Variants in KIF13A observed in about 807,000 individuals in gnomAD.
The protein encoded by KIF13A is kinesin family member 13A.
A neutral mutation model predicts 212.2 loss-of-function variants in KIF13A; 79 were observed. That is an observed-to-expected ratio of 0.37 (90% CI 0.31 to 0.45). KIF13A has a LOEUF of 0.45. KIF13A is among the 20% of genes least tolerant of loss of function. The pLI is 1.00. For missense variants in KIF13A, 1,901 were observed against 2,209.0 expected (o/e 0.86, Z 2.79); for synonymous variants, 789 against 808.6 (o/e 0.98, Z 0.41).
Position 17,849,798 on chromosome 6 carries a change from C to A in KIF13A, c.718-309G>T, listed in dbSNP as rs16879993. On this transcript the variant is annotated intron_variant, in intron 8 of 38. Coordinates refer to ENST00000259711, the MANE Select transcript of KIF13A (RefSeq NM_022113.6). This position sits in a 1 kb window ranked among gnomAD's most constrained non-coding sequence, Gnocchi z 5.7. ...AGATATGAGGACATGAGGATTTCTG[C>A]ACATTCAAGTCAAATCCTTCTTCCT... Among the ~76,000 whole-genome samples the A allele has an allele frequency of 6.6e-6, 1 of 152,178 alleles. No homozygotes were observed. Among genetic ancestry groups the A allele is most frequent in the Non-Finnish European group, 1.5e-5 (1 of 68,040 alleles).
At position 17,772,648 on chromosome 6, in the gene KIF13A, G is replaced by C. The variant is rs530932606; in HGVS notation, c.4325-589C>G. Reference sequence around the variant, plus strand: ...GCTCACGCTGATTTTCCATTCCTCTGAATTCTCACAGCCCTTATTATCTGC... The same window carrying C: ...GCTCACGCTGATTTTCCATTCCTCTCAATTCTCACAGCCCTTATTATCTGC... On this transcript the variant is annotated intron_variant, in intron 36 of 38. Coordinates refer to ENST00000259711, the MANE Select transcript of KIF13A (RefSeq NM_022113.6). The surrounding 1 kb of genome is among the most constrained non-coding windows in gnomAD (Gnocchi z 4.8). Among the ~76,000 whole-genome samples, 2 of 152,328 alleles carry C rather than the reference G, an allele frequency of 1.3e-5. No homozygotes were observed. Among genetic ancestry groups the C allele is most frequent in the African/African-American group, 4.8e-5 (2 of 41,584 alleles).
chr6:17,923,676 G>C (rs1775269287), intron 2 of KIF13A, among the ~76,000 whole-genome samples: 2 of 152,114 alleles, frequency 1.3e-5, no homozygotes, highest in Admixed American at 1.3e-4. Context: ...AATGAGAAGG[G>C]CCAGTAAAAA....
At chr6:17,901,881 C>T (rs1283972657) in intron 2 of KIF13A, among the ~76,000 whole-genome samples, 1 of 152,180 alleles carries the variant, frequency 6.6e-6, no homozygotes, top group Non-Finnish European at 1.5e-5. Flanking sequence ...CCTATAATCT[C>T]AGCTACTAGG....
chr6:17,922,688 C>T (rs1289995741), intron 2 of KIF13A, among the ~76,000 whole-genome samples: 2 of 151,206 alleles, frequency 1.3e-5, no homozygotes, highest in African/African-American at 4.9e-5. Flanking sequence ...TCCTTTGGGT[C>T]CACTCTTCTA....
Position 17,912,556 on chromosome 6 carries a change from A to G in KIF13A, c.147-14376T>C, listed in dbSNP as rs1441833002. Among the ~76,000 whole-genome samples the G allele has an allele frequency of 1.3e-5, 2 of 152,222 alleles. No homozygotes were observed. Among genetic ancestry groups the G allele is most frequent in the African/African-American group, 4.8e-5 (2 of 41,452 alleles). ...ATATAGACAATGCTTATTAAATTCTACTGAATAAACCAACAGAACCCCCAT... is the reference window on the plus strand; with the variant it reads ...ATATAGACAATGCTTATTAAATTCTGCTGAATAAACCAACAGAACCCCCAT... On this transcript the variant is annotated intron_variant, in intron 2 of 38. Transcript: ENST00000259711. This position sits in a 1 kb window ranked among gnomAD's most constrained non-coding sequence, Gnocchi z 4.2.
rs1438161938 is a variant in KIF13A at position 17,987,254 on chromosome 6, G to A, written c.56-110C>T. ...CCGTCCCTGGAGGCGGCCGAGCCTG[G>A]AGACGGCGCCCCGGGCACCACGGCC... On this transcript the variant is annotated intron_variant, in intron 1 of 38. Coordinates refer to ENST00000259711, the MANE Select transcript of KIF13A (RefSeq NM_022113.6). The surrounding 1 kb of genome is among the most constrained non-coding windows in gnomAD (Gnocchi z 7.7). The A allele has an allele frequency of 6.9e-5, 65 of 937,430 alleles. 1 individual carries two copies. In the South Asian group the frequency reaches 2.0e-3, roughly 29 times the overall value. 58.1% of individuals were successfully genotyped at this position (937,430 alleles called of 1,614,324 possible).
intron 2 of KIF13A, among the ~76,000 whole-genome samples, chr6:17,911,907 G>C (rs1488699019): frequency 6.6e-6 from 1 of 151,966 alleles, no homozygotes; most frequent in Admixed American, 6.6e-5. Context: ...TGGGACTACA[G>C]GAATGCACCA....
rs774586139 is a variant in KIF13A, at chr6:17,817,003, C to G, written c.2000+17G>C. 6 of 1,594,896 alleles carry G rather than the reference C, an allele frequency of 3.8e-6. No individual in the cohort carries two copies. Among genetic ancestry groups the G allele is most frequent in the Admixed American group, 3.5e-5 (2 of 56,768 alleles). ...CTTGGGGCCTTGACTCTGGGCTGCC[C>G]CCGCTGCAGTTCTTACCTCTCTTCT... On this transcript the variant is annotated intron_variant, in intron 17 of 38. Coordinates refer to ENST00000259711, the MANE Select transcript of KIF13A (RefSeq NM_022113.6).
At chr6:17,817,307 T>G in intron 16 of KIF13A, 74 bp from the exon 17 acceptor site, 1 of 1,312,394 alleles carries the variant, frequency 7.6e-7, no homozygotes, top group Non-Finnish European at 1.1e-6. Context: ...CACTGCAGCC[T>G]GTGGGAGGCT....
At position 17,918,112 on chromosome 6, in the gene KIF13A, G is replaced by C. The variant is rs1449028313; in HGVS notation, c.147-19932C>G. ...CAGAGCTGCACCAACAGGATGCCTA[G>C]GTCTGCCCTGCTTGGTGTCATGGAC... On this transcript the variant is annotated intron_variant, in intron 2 of 38. Coordinates refer to ENST00000259711, the MANE Select transcript of KIF13A (RefSeq NM_022113.6). This position sits in a 1 kb window ranked among gnomAD's most constrained non-coding sequence, Gnocchi z 4.8. Among the ~76,000 whole-genome samples the C allele has an allele frequency of 6.6e-6, 1 of 151,990 alleles. No individual in the cohort carries two copies. The highest frequency in any genetic ancestry group is 1.9e-4 in the East Asian group (1 of 5,158).
intron 23 of KIF13A, among the ~76,000 whole-genome samples, chr6:17,796,295 G>A (rs1476362630): frequency 6.1e-5 from 9 of 147,224 alleles, no homozygotes; most frequent in Admixed American, 2.1e-4. Context: ...TCCAGCTCCC[G>A]GGTTTTATTT....
At chr6:17,878,187 AG>A (rs1770741270) in intron 3 of KIF13A, among the ~76,000 whole-genome samples, 1 of 152,182 alleles carries the variant, frequency 6.6e-6, no homozygotes, top group Non-Finnish European at 1.5e-5. Flanking sequence ...TGTAACAGCA[AG>A]GGGGCACTGG....
In KIF13A at chr6:17,816,244, C is replaced by T. The variant is rs190574584; in HGVS notation, c.2000+776G>A. Among the ~76,000 whole-genome samples, 1 of 151,970 alleles carries T rather than the reference C, an allele frequency of 6.6e-6. No homozygotes were observed. Among genetic ancestry groups the T allele is most frequent in the South Asian group, 2.1e-4 (1 of 4,824 alleles). On this transcript the variant is annotated intron_variant, in intron 17 of 38. Transcript: ENST00000259711. This position sits in a 1 kb window ranked among gnomAD's most constrained non-coding sequence, Gnocchi z 4.3. ...GAGTCAGGTCAGGTTCTTCCTGTCACCCAGGCTGGAGTGTGGTGGCATGAT... is the reference window on the plus strand; with the variant it reads ...GAGTCAGGTCAGGTTCTTCCTGTCATCCAGGCTGGAGTGTGGTGGCATGAT...
rs936924805 is a variant in KIF13A at position 17,768,356 on chromosome 6, C to G, written c.4581+2758G>C. 2.6e-5 allele frequency among the ~76,000 whole-genome samples: 4 copies of G among 152,198 alleles called. No individual in the cohort carries two copies. The highest frequency in any genetic ancestry group is 9.7e-5 in the African/African-American group (4 of 41,446). ...TTTAACTTATGCAGCTGATATTTAC[C>G]TATACAGAAAACACCTTGATTTTAA... is the stretch of plus-strand genomic sequence containing the variant. On this transcript the variant is annotated intron_variant, in intron 38 of 38. Transcript: ENST00000259711. The surrounding 1 kb of genome is among the most constrained non-coding windows in gnomAD (Gnocchi z 5.4).
In KIF13A at chr6:17,772,027, C is replaced by T. The variant is rs372447677; in HGVS notation, c.4357G>A (p.Val1453Ile). 18 of 1,613,804 alleles carry T rather than the reference C, an allele frequency of 1.1e-5. No individual in the cohort carries two copies. The highest frequency in any genetic ancestry group is 1.7e-5 in the Admixed American group (1 of 60,008). The change falls in exon 37 of 39, where the codon GTC (valine) becomes ATC (isoleucine). Residue 1453 changes from valine to isoleucine, a missense_variant. This residue lies in a region of KIF13A where 687 missense variants were observed against 759.1 expected (regional missense o/e 0.90). Transcript: ENST00000259711. The surrounding 1 kb of genome is among the most constrained non-coding windows in gnomAD (Gnocchi z 4.8). ...GGAGAGAATGCTTTAAAAGGGCTGA[C>T]GGTTAAGGCATGAGGAGTCTCTGAT... ...CTSETPHALT[V>I]SPFKAFSPQP...
chr6:17,827,383 C>T (rs952824577), intron 14 of KIF13A, among the ~76,000 whole-genome samples: 8 of 152,040 alleles, frequency 5.3e-5, no homozygotes, highest in Non-Finnish European at 1.0e-4. Flanking sequence ...AGGTGTGAGC[C>T]ACTGTTCCTG....
At chr6:17,920,432 A>T (rs946138091) in intron 2 of KIF13A, among the ~76,000 whole-genome samples, 1 of 152,244 alleles carries the variant, frequency 6.6e-6, no homozygotes, top group African/African-American at 2.4e-5. Context: ...TGCTTGAGAC[A>T]TTAAAAAGAA....
intron 38 of KIF13A, among the ~76,000 whole-genome samples, chr6:17,770,079 C>G (rs1454867831): frequency 6.6e-6 from 1 of 152,152 alleles, no homozygotes; most frequent in African/African-American, 2.4e-5. Context: ...AACTGCATAT[C>G]TGGATTAAGC....
In KIF13A at chr6:17,837,961, A is replaced by G. The variant is rs1456157641; in HGVS notation, c.831-378T>C. On this transcript the variant is annotated intron_variant, in intron 9 of 38. Coordinates refer to ENST00000259711, the MANE Select transcript of KIF13A (RefSeq NM_022113.6). The surrounding 1 kb of genome is among the most constrained non-coding windows in gnomAD (Gnocchi z 5.4). ...GAGTGAGACTCTTTCAAAAAAACAA[A>G]AACAAAGAAACCCCAAAAAACCAAA... is the stretch of plus-strand genomic sequence containing the variant. 1.4e-5 allele frequency among the ~76,000 whole-genome samples: 2 copies of G among 141,290 alleles called. No homozygotes were observed. The highest frequency in any genetic ancestry group is 5.2e-5 in the African/African-American group (2 of 38,816). 92.7% of individuals were successfully genotyped at this position (141,290 alleles called of 152,430 possible).
Sources: gnomAD v4.1 joint callset for allele counts (sites outside exome capture counted in the v4.1 genomes callset) on GRCh38, gnomAD v4.1.1 for gene constraint, gnomAD v4.1.1 regional missense constraint, Gnocchi (gnomAD v3.1) non-coding constraint, MANE v1.5 for transcripts, NCBI Gene and HGNC (gene_info 2026-07-23, HGNC 2026-07-21) for gene names.